Variants in PDE4D observed in about 807,000 individuals in gnomAD.
PDE4D encodes 3',5'-cyclic-AMP phosphodiesterase 4D.
PDE4D carries 24 observed loss-of-function variants against 87.4 expected under a neutral mutation model. The ratio of observed to expected loss-of-function variants is 0.27; its 90% CI spans 0.20 to 0.39. The LOEUF (loss-of-function observed/expected upper bound fraction) is 0.39. Ranked by LOEUF, PDE4D falls within the 10% of genes least tolerant of loss-of-function variation. The probability of loss-of-function intolerance (pLI) is 1.00; values close to 1 mark genes in which losing one functional copy is unlikely to be tolerated. For synonymous variants in PDE4D, 384 were observed against 383.2 expected (o/e 1.00, Z -0.02); for missense variants, 714 against 1,041.0 (o/e 0.69, Z 4.32).
chr5:60,382,193 T>C (rs1013197551), intron 1 of PDE4D, among the ~76,000 whole-genome samples: 3 of 152,122 alleles, frequency 2.0e-5, no homozygotes, highest in Non-Finnish European at 2.9e-5. Context: ...TATATATTTA[T>C]ATATGAAATA....
chr5:59,663,984 A>T (rs944791394), intron 1 of PDE4D, among the ~76,000 whole-genome samples: 1 of 152,218 alleles, frequency 6.6e-6, no homozygotes, highest in African/African-American at 2.4e-5. Context: ...TTGTTTTAAA[A>T]TTGAAGCCAA....
At position 59,337,334 on chromosome 5, in the gene PDE4D, C is replaced by A. The variant is rs57929759; in HGVS notation, c.456-121366G>T. 5.9e-3 allele frequency among the ~76,000 whole-genome samples: 846 copies of A among 143,826 alleles called. 16 individuals carry two copies. The highest frequency in any genetic ancestry group is 0.019 in the African/African-American group (695 of 37,516). 94.4% of individuals were successfully genotyped at this position (143,826 alleles called of 152,430 possible). ...AGGCATTCATAAGTTCCCCCCCCCC[C>A]ACCTTTTTTTTTTTTTTGACACGGA... On this transcript the variant is annotated intron_variant, in intron 1 of 14. Transcript: ENST00000340635.
At chr5:59,308,787 G>C (rs747540593) in intron 1 of PDE4D, among the ~76,000 whole-genome samples, 1 of 151,982 alleles carries the variant, frequency 6.6e-6, no homozygotes, top group Non-Finnish European at 1.5e-5. Flanking sequence ...GTGGTAGTAT[G>C]GGGAGGAACC....
chr5:60,265,862 C>A (rs1247002537), intron 1 of PDE4D, among the ~76,000 whole-genome samples: 1 of 152,124 alleles, frequency 6.6e-6, no homozygotes, highest in Non-Finnish European at 1.5e-5. Context: ...TTTGAAGCAG[C>A]CTCTCTGACA....
At chr5:59,510,454 A>T (rs1260450035) in intron 1 of PDE4D, among the ~76,000 whole-genome samples, 1 of 151,822 alleles carries the variant, frequency 6.6e-6, no homozygotes, top group Non-Finnish European at 1.5e-5. Flanking sequence ...AACGAGATAC[A>T]GAAATAGAGG....
intron 3 of PDE4D, among the ~76,000 whole-genome samples, chr5:59,974,459 G>A (rs1761098416): frequency 6.6e-6 from 1 of 151,982 alleles, no homozygotes; most frequent in South Asian, 2.1e-4. Context: ...AATAAATCTG[G>A]GAAACAGCTG....
chr5:59,224,417 G>C (rs1183358544), intron 1 of PDE4D, among the ~76,000 whole-genome samples: 1 of 152,104 alleles, frequency 6.6e-6, no homozygotes, highest in Non-Finnish European at 1.5e-5. Flanking sequence ...TGGCTTGTCA[G>C]TGACACTCCC....
chr5:59,828,551 T>C (rs1770598058), intron 1 of PDE4D, among the ~76,000 whole-genome samples: 1 of 152,106 alleles, frequency 6.6e-6, no homozygotes, highest in Admixed American at 6.6e-5. Flanking sequence ...CCTACGAGTC[T>C]GCTGCAGGGC....
chr5:60,083,093 T>C (rs557502543), intron 2 of PDE4D, among the ~76,000 whole-genome samples: 38 of 152,336 alleles, frequency 2.5e-4, no homozygotes, highest in African/African-American at 8.2e-4. Flanking sequence ...GATTGAGTCA[T>C]GTCCGTCCCC....
chr5:59,198,083 G>T (rs1581317856), intron 2 of PDE4D, among the ~76,000 whole-genome samples: 1 of 152,106 alleles, frequency 6.6e-6, no homozygotes, highest in African/African-American at 2.4e-5. Context: ...TTTTGAAATT[G>T]TACCGCCTGG....
intron 3 of PDE4D, among the ~76,000 whole-genome samples, chr5:59,189,260 T>G (rs867708656): frequency 5.5e-5 from 8 of 144,258 alleles, no homozygotes; most frequent in Non-Finnish European, 7.6e-5. Context: ...TTTGTTTTTT[T>G]TTTTTTGAGA....
At chr5:59,465,754 A>G (rs1801495425) in intron 1 of PDE4D, among the ~76,000 whole-genome samples, 1 of 152,204 alleles carries the variant, frequency 6.6e-6, no homozygotes, top group Non-Finnish European at 1.5e-5. Context: ...TTCAACCTGA[A>G]GAGAGATAAA....
chr5:59,856,038 G>A (rs921959827), intron 1 of PDE4D, among the ~76,000 whole-genome samples: 3 of 152,032 alleles, frequency 2.0e-5, no homozygotes, highest in African/African-American at 4.8e-5. Flanking sequence ...ATGACAATCC[G>A]ATGTGAAAAG....
chr5:60,101,163 T>C (rs1388162784), intron 2 of PDE4D, among the ~76,000 whole-genome samples: 2 of 152,042 alleles, frequency 1.3e-5, no homozygotes, highest in African/African-American at 4.8e-5. Context: ...TTGGAGGCTT[T>C]AGAAATCTCC....
At chr5:59,619,016 T>C (rs1289975073) in intron 1 of PDE4D, among the ~76,000 whole-genome samples, 1 of 152,164 alleles carries the variant, frequency 6.6e-6, no homozygotes, top group African/African-American at 2.4e-5. Flanking sequence ...GGTATTTTGT[T>C]ATAGCAACAC....
intron 1 of PDE4D, among the ~76,000 whole-genome samples, chr5:60,254,551 G>A (rs1748839374): frequency 6.6e-6 from 1 of 151,804 alleles, no homozygotes; most frequent in Non-Finnish European, 1.5e-5. Flanking sequence ...AATAGACAGG[G>A]TTTTTATGGT....
intron 2 of PDE4D, among the ~76,000 whole-genome samples, chr5:60,059,828 C>T (rs1179293086): frequency 6.6e-6 from 1 of 151,906 alleles, no homozygotes. Context: ...AAAATAAAAC[C>T]TTTCTAAATC....
intron 1 of PDE4D, among the ~76,000 whole-genome samples, chr5:59,418,604 C>G (rs1419905412): frequency 6.6e-6 from 1 of 152,102 alleles, no homozygotes; most frequent in Non-Finnish European, 1.5e-5. Flanking sequence ...ATTTAGAGAA[C>G]AGATGACTGG....
At chr5:59,522,005 C>T (rs899487604) in intron 1 of PDE4D, among the ~76,000 whole-genome samples, 5 of 152,076 alleles carry the variant, frequency 3.3e-5, no homozygotes, top group Non-Finnish European at 5.9e-5. Flanking sequence ...TAAGGTACAG[C>T]TTTCATTGAG....
Sources: gnomAD v4.1 joint callset for allele counts (sites outside exome capture counted in the v4.1 genomes callset) on GRCh38, gnomAD v4.1.1 for gene constraint, MANE v1.5 for transcripts, NCBI Gene and HGNC (gene_info 2026-07-23, HGNC 2026-07-21) for gene names.